LTAP1: variants seen among roughly 807,000 people sequenced by gnomAD.
The protein encoded by LTAP1 is HCV NS5A-transactivated protein 4.
the LTAP1 span, chr1:154,220,288 G>C: frequency 6.3e-7 from 1 of 1,596,086 alleles, no homozygotes; most frequent in East Asian, 2.2e-5. Context: ...TCAAAAGGAG[G>C]GTCTCTACTG....
chr1:154,220,333 TCTC>T, the LTAP1 span: 43 of 1,613,876 alleles, frequency 2.7e-5, no homozygotes, highest in African/African-American at 6.7e-5. Flanking sequence ...GGTGGGGTAA[TCTC>T]CTCACCAGGC....
At chr1:154,220,328 G>C in the LTAP1 span, 3 of 1,613,914 alleles carry the variant, frequency 1.9e-6, no homozygotes, top group East Asian at 6.7e-5. Context: ...AATGGGGTGG[G>C]GTAATCTCCT....
the LTAP1 span, chr1:154,212,595 G>A: frequency 2.5e-6 from 4 of 1,614,052 alleles, no homozygotes; most frequent in East Asian, 4.5e-5. Flanking sequence ...AAGGAACGGG[G>A]ATGCCGGCCT....
chr1:154,220,311 C>T, the LTAP1 span: 1 of 1,613,346 alleles, frequency 6.2e-7, no homozygotes, highest in Non-Finnish European at 8.5e-7. Context: ...TAAGATGCGA[C>T]AGCAGGAATG....
At chr1:154,212,815 C>A in the LTAP1 span, 4 of 586,410 alleles carry the variant, frequency 6.8e-6, no homozygotes, top group Non-Finnish European at 1.2e-5. Flanking sequence ...ATGTGCACCA[C>A]CATGCCAGGC....
At chr1:154,218,439 C>T in the LTAP1 span, among the ~76,000 whole-genome samples, 1 of 152,142 alleles carries the variant, frequency 6.6e-6, no homozygotes, top group South Asian at 2.1e-4. Context: ...AGAAACTAAC[C>T]CTATGTCTTT....
chr1:154,208,294 G>T, the LTAP1 span, among the ~76,000 whole-genome samples: 7,820 of 152,136 alleles, frequency 0.051, 700 homozygotes, highest in African/African-American at 0.18. Context: ...TCCTCAGGAG[G>T]CTGAGGCAGG....
the LTAP1 span, chr1:154,214,371 C>A: frequency 1.2e-6 from 1 of 850,940 alleles, no homozygotes. Context: ...TAAGGCTTTG[C>A]CAGCAGCTTT....
At chr1:154,220,345 G>A in the LTAP1 span, 2 of 1,614,182 alleles carry the variant, frequency 1.2e-6, no homozygotes, top group Non-Finnish European at 1.7e-6. Context: ...TCCTCACCAG[G>A]CTCCCGTAGG....
chr1:154,220,276 G>A, the LTAP1 span: 19 of 1,577,236 alleles, frequency 1.2e-5, no homozygotes, highest in Non-Finnish European at 1.6e-5. Flanking sequence ...ACGGGGTACA[G>A]CTCAAAAGGA....
At chr1:154,212,950 G>C in the LTAP1 span, among the ~76,000 whole-genome samples, 47 of 152,226 alleles carry the variant, frequency 3.1e-4, no homozygotes, top group African/African-American at 9.9e-4. Context: ...TGGGATTACA[G>C]GCATGAGCCA....
the LTAP1 span, among the ~76,000 whole-genome samples, chr1:154,211,324 C>CTTTTTTTTT: frequency 1.1e-3 from 39 of 34,044 alleles, 2 homozygotes; most frequent in East Asian, 1.9e-3. Flanking sequence ...TTATTTAATT[C>CTTTTTTTTT]TTTTTTTTTT....
At chr1:154,213,285 C>T in the LTAP1 span, 2 of 152,620 alleles carry the variant, frequency 1.3e-5, no homozygotes, top group Non-Finnish European at 2.9e-5. Flanking sequence ...CCAGCCTGGG[C>T]AACAGAGCAA....
chr1:154,212,104 G>A, the LTAP1 span: 56 of 521,914 alleles, frequency 1.1e-4, no homozygotes, highest in Non-Finnish European at 1.6e-4. Context: ...TGATCCTCCC[G>A]CCTCGGCCTC....
the LTAP1 span, among the ~76,000 whole-genome samples, chr1:154,217,281 T>C: frequency 3.9e-5 from 6 of 152,306 alleles, no homozygotes; most frequent in Non-Finnish European, 7.3e-5. Context: ...TGAGGTTGAA[T>C]TTACATACAA....
At chr1:154,212,420 G>A in the LTAP1 span, 8 of 1,613,934 alleles carry the variant, frequency 5.0e-6, no homozygotes, top group South Asian at 8.8e-5. Context: ...CTCAGTCTGA[G>A]GGATCTCTTT....
At chr1:154,211,324 C>CTA in the LTAP1 span, among the ~76,000 whole-genome samples, 1 of 34,028 alleles carries the variant, frequency 2.9e-5, no homozygotes, top group Admixed American at 3.8e-4. Context: ...TTATTTAATT[C>CTA]TTTTTTTTTT....
the LTAP1 span, among the ~76,000 whole-genome samples, chr1:154,219,424 T>C: frequency 1.3e-5 from 2 of 152,192 alleles, no homozygotes; most frequent in Non-Finnish European, 1.5e-5. Flanking sequence ...ATGGTGGAAT[T>C]AGATGATTTA....
At chr1:154,216,185 C>T in the LTAP1 span, among the ~76,000 whole-genome samples, 5 of 152,040 alleles carry the variant, frequency 3.3e-5, no homozygotes, top group Non-Finnish European at 5.9e-5. Context: ...TTGAATGCTC[C>T]GCACCCCAAA....
Sources: gnomAD v4.1 joint callset for allele counts (sites outside exome capture counted in the v4.1 genomes callset) on GRCh38, gnomAD v4.1.1 for gene constraint, MANE v1.5 for transcripts, NCBI Gene and HGNC (gene_info 2026-07-23, HGNC 2026-07-21) for gene names.